DPP10: variants seen among roughly 807,000 people sequenced by gnomAD.
DPP10 encodes the protein dipeptidyl peptidase like 10.
DPP10 carries 33 observed loss-of-function variants against 120.9 expected under a neutral mutation model. The ratio of observed to expected loss-of-function variants is 0.27; its 90% CI spans 0.21 to 0.37. DPP10 has a LOEUF of 0.37. Ranked by LOEUF, DPP10 falls within the 10% of genes least tolerant of loss-of-function variation. The pLI is 1.00. For missense variants in DPP10, 816 were observed against 942.8 expected, an observed-to-expected ratio of 0.87 and a Z score of 1.76; for synonymous variants, 337 against 326.1, an observed-to-expected ratio of 1.03 and a Z score of -0.36.
At chr2:114,942,320 T>TATATATATATATATATAC (rs869121143) in intron 1 of DPP10, among the ~76,000 whole-genome samples, 2 of 123,980 alleles carry the variant, frequency 1.6e-5, no homozygotes, top group African/African-American at 6.2e-5. Context: ...TATATATATA[T>TATATATATATATATATAC]ACACACACAT....
chr2:115,282,724 C>T (rs2060210150), intron 1 of DPP10, among the ~76,000 whole-genome samples: 1 of 152,038 alleles, frequency 6.6e-6, no homozygotes, highest in Non-Finnish European at 1.5e-5. Context: ...GCCTGGTAGC[C>T]TTTGTTTGGA....
At chr2:114,811,787 T>C (rs1180962438) in intron 1 of DPP10, among the ~76,000 whole-genome samples, 2 of 152,194 alleles carry the variant, frequency 1.3e-5, no homozygotes, top group Non-Finnish European at 2.9e-5. Flanking sequence ...GTTTAAACAA[T>C]TGATGAAACA....
chr2:114,917,702 G>T (rs1694907628), intron 1 of DPP10, among the ~76,000 whole-genome samples: 1 of 152,080 alleles, frequency 6.6e-6, no homozygotes, highest in African/African-American at 2.4e-5. Context: ...AACAAGCAAT[G>T]GGGAAAGGAC....
intron 1 of DPP10, among the ~76,000 whole-genome samples, chr2:115,222,873 T>G (rs1469654495): frequency 6.6e-6 from 1 of 152,166 alleles, no homozygotes; most frequent in East Asian, 1.9e-4. Context: ...TGACTTTTTT[T>G]TCTAAAGAGC....
At chr2:114,805,153 GC>G (rs1553431657) in intron 1 of DPP10, among the ~76,000 whole-genome samples, 1 of 152,088 alleles carries the variant, frequency 6.6e-6, no homozygotes, top group Non-Finnish European at 1.5e-5. Flanking sequence ...TTCACCTCCT[GC>G]CATGATTCTG....
At chr2:114,952,593 TAGA>T (rs68179604) in intron 1 of DPP10, among the ~76,000 whole-genome samples, 27,302 of 152,112 alleles carry the variant, frequency 0.18, 2,568 homozygotes, top group Admixed American at 0.24. Context: ...CTATGCCAAA[TAGA>T]AAAATCTGGC....
intron 1 of DPP10, among the ~76,000 whole-genome samples, chr2:114,827,387 G>A (rs374634775): frequency 1.3e-5 from 2 of 152,048 alleles, no homozygotes; most frequent in East Asian, 1.9e-4. Context: ...TGTAGATACT[G>A]GTTTGTCTAT....
At chr2:115,831,694 A>G (rs1449906920) in intron 21 of DPP10, among the ~76,000 whole-genome samples, 1 of 152,240 alleles carries the variant, frequency 6.6e-6, no homozygotes, top group Non-Finnish European at 1.5e-5. Flanking sequence ...AAGTCCTTCT[A>G]TCTATTGAAT....
In DPP10 at chr2:115,715,153, A is replaced by C. The variant is rs2092449593; in HGVS notation, c.577-12663A>C. The stretch of plus-strand genomic sequence containing the variant: ...TCAGGAGTTCAAGACCAGCCTGACC[A>C]ACATGGAGAAACTCTGTCTCTACTA... On this transcript the variant is annotated intron_variant, in intron 7 of 25. Transcript: ENST00000410059. Among the ~76,000 whole-genome samples, 5 of 151,988 alleles carry C rather than the reference A, an allele frequency of 3.3e-5. No individual in the cohort carries two copies. The South Asian group carries it at 1.0e-3, about 31-fold the overall frequency.
At chr2:115,252,746 A>G (rs888854865) in intron 1 of DPP10, among the ~76,000 whole-genome samples, 2 of 152,168 alleles carry the variant, frequency 1.3e-5, no homozygotes, top group African/African-American at 4.8e-5. Flanking sequence ...AAATTTGCTT[A>G]AATTCTTCAA....
At chr2:114,651,667 G>T (rs1573888189) in intron 1 of DPP10, among the ~76,000 whole-genome samples, 2 of 152,094 alleles carry the variant, frequency 1.3e-5, no homozygotes, top group East Asian at 1.9e-4. Flanking sequence ...TAAAGACTGT[G>T]CTTGGGCTCC....
At chr2:115,166,664 T>C (rs2052901681) in intron 1 of DPP10, among the ~76,000 whole-genome samples, 1 of 149,578 alleles carries the variant, frequency 6.7e-6, no homozygotes, top group African/African-American at 2.4e-5. Flanking sequence ...TATATCTGTT[T>C]GATTATTTCA....
chr2:115,546,687 A>T (rs773454013), intron 5 of DPP10, among the ~76,000 whole-genome samples: 30 of 152,120 alleles, frequency 2.0e-4, no homozygotes, highest in Non-Finnish European at 1.2e-4. Flanking sequence ...TATCACATGC[A>T]CTCAGCTTCT....
chr2:114,485,273 T>C lies in DPP10; in HGVS notation c.60+42435T>C, dbSNP rs553155885. On this transcript the variant is annotated intron_variant, in intron 1 of 25. Coordinates refer to ENST00000410059, the MANE Select transcript of DPP10 (RefSeq NM_020868.6). The stretch of plus-strand genomic sequence containing the variant: ...TCAGGACAGCTGCCGTTCTACAAAA[T>C]AGAATGAGAGCTCCCACTGGGCACT... Among the ~76,000 whole-genome samples, 582 of 152,228 alleles carry C rather than the reference T, an allele frequency of 3.8e-3. 3 individuals carry two copies. The highest frequency in any genetic ancestry group is 6.1e-3 in the Non-Finnish European group (414 of 67,998).
At chr2:115,197,937 G>T (rs1042470601) in intron 1 of DPP10, among the ~76,000 whole-genome samples, 1 of 152,120 alleles carries the variant, frequency 6.6e-6, no homozygotes, top group Non-Finnish European at 1.5e-5. Flanking sequence ...AATTTGTAGT[G>T]TATCTCTGGA....
intron 4 of DPP10, among the ~76,000 whole-genome samples, chr2:115,522,145 G>C (rs1356867130): frequency 1.3e-5 from 2 of 152,178 alleles, no homozygotes; most frequent in East Asian, 1.9e-4. Context: ...TAGCAATACT[G>C]TGTATTTTTC....
intron 11 of DPP10, among the ~76,000 whole-genome samples, chr2:115,760,062 T>C (rs1679928544): frequency 6.6e-6 from 1 of 152,016 alleles, no homozygotes; most frequent in South Asian, 2.1e-4. Flanking sequence ...TATAATTCCA[T>C]TACAAAGTAT....
intron 10 of DPP10, among the ~76,000 whole-genome samples, chr2:115,746,811 A>T (rs1407872023): frequency 6.6e-6 from 1 of 152,202 alleles, no homozygotes; most frequent in East Asian, 1.9e-4. Context: ...TTCAAAAGTG[A>T]TTCTTTCAAA....
At chr2:115,069,638 A>G (rs1707208813) in intron 1 of DPP10, among the ~76,000 whole-genome samples, 1 of 152,094 alleles carries the variant, frequency 6.6e-6, no homozygotes, top group African/African-American at 2.4e-5. Context: ...TGTTGGAAAT[A>G]CATTAACTCA....
Sources: allele counts gnomAD v4.1 joint callset (sites outside exome capture counted in the v4.1 genomes callset), GRCh38; gene constraint gnomAD v4.1.1; transcripts MANE v1.5; gene names NCBI Gene and HGNC (gene_info 2026-07-23, HGNC 2026-07-21).